PRKAR2B: variants seen among roughly 807,000 people sequenced by gnomAD.
The protein encoded by PRKAR2B is protein kinase cAMP-dependent type II regulatory subunit beta.
Under a neutral mutation model 49.9 loss-of-function variants are expected in PRKAR2B, and 14 were observed. The ratio of observed to expected loss-of-function variants is 0.28; its 90% confidence interval spans 0.19 to 0.44. The LOEUF (loss-of-function observed/expected upper bound fraction) is 0.44. Ranked by LOEUF, PRKAR2B falls within the 20% of genes least tolerant of loss-of-function variation. PRKAR2B has a pLI of 1.00. For synonymous variants in PRKAR2B, 196 were observed against 197.7 expected (o/e 0.99, Z 0.07); for missense variants, 393 against 537.9 (o/e 0.73, Z 2.67).
intron 2 of PRKAR2B, among the ~76,000 whole-genome samples, chr7:107,105,306 A>G (rs1414191046): frequency 2.0e-5 from 3 of 152,208 alleles, no homozygotes; most frequent in Non-Finnish European, 4.4e-5. Context: ...GGCCTATTGC[A>G]TTTTTATGAG....
chr7:107,140,554 A>G (rs1301820859), intron 4 of PRKAR2B, among the ~76,000 whole-genome samples: 4 of 152,212 alleles, frequency 2.6e-5, no homozygotes, highest in African/African-American at 7.2e-5. Context: ...TATATTTCAC[A>G]AGGTATATGG....
intron 2 of PRKAR2B, among the ~76,000 whole-genome samples, chr7:107,108,654 A>G (rs1427510411): frequency 6.6e-6 from 1 of 152,206 alleles, no homozygotes; most frequent in African/African-American, 2.4e-5. Flanking sequence ...TGCTTAGATT[A>G]TTAGTCACCA....
At chr7:107,128,030 A>G (rs1795530251) in intron 3 of PRKAR2B, among the ~76,000 whole-genome samples, 182 bp from the exon 4 acceptor site, 1 of 152,224 alleles carries the variant, frequency 6.6e-6, no homozygotes, top group Admixed American at 6.5e-5. Context: ...ATGTTCCCCT[A>G]CTTGGTAGGC....
intron 5 of PRKAR2B, among the ~76,000 whole-genome samples, chr7:107,144,053 CTTAT>C (rs60565381): frequency 0.14 from 20,088 of 143,310 alleles, 2,143 homozygotes; most frequent in African/African-American, 0.3. Flanking sequence ...CAATTCTTTT[CTTAT>C]TTATTTATTT....
At chr7:107,159,375 G>A in intron 10 of PRKAR2B, 74 bp from the exon 11 acceptor site, 10 of 1,425,674 alleles carry the variant, frequency 7.0e-6, no homozygotes, top group Non-Finnish European at 9.8e-6. Context: ...TATGGAGTCG[G>A]TATTGTAAAT....
intron 2 of PRKAR2B, among the ~76,000 whole-genome samples, chr7:107,101,920 A>G (rs1186030379): frequency 1.4e-5 from 1 of 70,588 alleles, no homozygotes; most frequent in East Asian, 3.6e-4. Context: ...TAGTTTCCTC[A>G]TTGCCTTTTG....
At chr7:107,138,607 G>A (rs967375751) in intron 4 of PRKAR2B, among the ~76,000 whole-genome samples, 2 of 146,976 alleles carry the variant, frequency 1.4e-5, no homozygotes, top group East Asian at 4.0e-4. Context: ...GAGTGCAGTG[G>A]TGTGATCATG....
intron 6 of PRKAR2B, among the ~76,000 whole-genome samples, chr7:107,150,654 G>C (rs962098219): frequency 6.8e-6 from 1 of 147,202 alleles, no homozygotes; most frequent in Non-Finnish European, 1.5e-5. Context: ...CCAACATATT[G>C]GTCAGATTTC....
chr7:107,051,996 G>T (rs891570627), intron 1 of PRKAR2B, among the ~76,000 whole-genome samples: 2 of 152,158 alleles, frequency 1.3e-5, no homozygotes, highest in African/African-American at 4.8e-5. Flanking sequence ...GAAAAAAGCC[G>T]TTTGTTCCAT....
chr7:107,144,016 A>G (rs1343455014), intron 5 of PRKAR2B, among the ~76,000 whole-genome samples: 1 of 152,218 alleles, frequency 6.6e-6, no homozygotes, highest in Non-Finnish European at 1.5e-5. Context: ...TGAAACAGTC[A>G]TTCTATCCGT....
chr7:107,096,872 A>G (rs1480309250), intron 2 of PRKAR2B, among the ~76,000 whole-genome samples: 3 of 152,170 alleles, frequency 2.0e-5, no homozygotes, highest in African/African-American at 7.2e-5. Context: ...GTGGTCTGAG[A>G]GACAGTTTGT....
rs567356088 is a variant in PRKAR2B, at chr7:107,152,729, A to G, written c.844-448A>G. On this transcript the variant is annotated intron_variant, in intron 7 of 10. Transcript: ENST00000265717. ...GATTATCAGCTTACATCTGGTAAAAATTTTGTCCACATCACACAGTGCGTG... is the reference window on the plus strand; with the variant it reads ...GATTATCAGCTTACATCTGGTAAAAGTTTTGTCCACATCACACAGTGCGTG... 4.6e-5 allele frequency among the ~76,000 whole-genome samples: 7 copies of G among 152,282 alleles called. No individual in the cohort carries two copies. In the South Asian group the frequency reaches 1.2e-3, roughly 27 times the overall value.
chr7:107,138,972 C>A (rs1795747069), intron 4 of PRKAR2B, among the ~76,000 whole-genome samples: 2 of 152,108 alleles, frequency 1.3e-5, no homozygotes, highest in East Asian at 1.9e-4. Flanking sequence ...AGCCACTGAA[C>A]CCTGCCAAAA....
chr7:107,149,324 T>C (rs930636863), intron 6 of PRKAR2B, among the ~76,000 whole-genome samples: 1 of 152,188 alleles, frequency 6.6e-6, no homozygotes, highest in Non-Finnish European at 1.5e-5. Context: ...AATTTCCTAG[T>C]GTCTTAGTCC....
intron 2 of PRKAR2B, among the ~76,000 whole-genome samples, chr7:107,098,217 C>CT (rs1794885897): frequency 6.6e-6 from 1 of 152,182 alleles, no homozygotes; most frequent in Admixed American, 6.5e-5. Context: ...TCTTTTCACT[C>CT]TTTTTTCTCT....
intron 1 of PRKAR2B, among the ~76,000 whole-genome samples, chr7:107,065,322 ATGTGTGTGTGTGTGTGTG>A (rs71134248): frequency 0.065 from 9,296 of 143,878 alleles, 406 homozygotes; most frequent in South Asian, 0.14. Context: ...GGGTGTGTGT[ATGTGTGTGTGTGTGTGTG>A]TGTGTGTGTG....
intron 2 of PRKAR2B, among the ~76,000 whole-genome samples, chr7:107,106,687 AG>A (rs1339229003): frequency 6.6e-6 from 1 of 152,176 alleles, no homozygotes; most frequent in Non-Finnish European, 1.5e-5. Context: ...TTCCTTGGGC[AG>A]TCGGGGGTAT....
chr7:107,045,232 C>T lies in PRKAR2B; in HGVS notation c.307+18C>T, dbSNP rs199823941. 25 of 1,404,806 alleles carry T rather than the reference C, an allele frequency of 1.8e-5. No individual in the cohort carries two copies. In the Admixed American group the frequency reaches 6.9e-4, roughly 39 times the overall value. The allele number at this position is 1,404,806 out of a possible 1,614,324, so 87.0% of individuals were successfully genotyped here. On this transcript the variant is annotated intron_variant, in intron 1 of 10. Coordinates refer to ENST00000265717, the MANE Select transcript of PRKAR2B (RefSeq NM_002736.3). ...GTTCAATGGTGAGGACCAGACCCCCCACTTCGCGCCCCCGGATCCCCTCGC... is the reference window on the plus strand; with the variant it reads ...GTTCAATGGTGAGGACCAGACCCCCTACTTCGCGCCCCCGGATCCCCTCGC...
intron 4 of PRKAR2B, among the ~76,000 whole-genome samples, chr7:107,132,700 G>A (rs757010819): frequency 1.3e-5 from 2 of 152,102 alleles, no homozygotes; most frequent in Non-Finnish European, 2.9e-5. Flanking sequence ...TTCCTGAAAT[G>A]GGAAAACTTG....
Sources: allele counts gnomAD v4.1 joint callset (sites outside exome capture counted in the v4.1 genomes callset), GRCh38; gene constraint gnomAD v4.1.1; transcripts MANE v1.5; gene names NCBI Gene and HGNC (gene_info 2026-07-23, HGNC 2026-07-21).